The following DYNLT1 variants were observed in gnomAD, a reference collection of about 807,000 sequenced individuals.
The protein encoded by DYNLT1 is T-complex testis-specific protein 1 homolog.
A neutral mutation model predicts 19.6 loss-of-function variants in DYNLT1; 18 were observed. The observed-to-expected ratio is 0.92, with a 90% CI of 0.64 to 1.36. The LOEUF (loss-of-function observed/expected upper bound fraction) is 1.36, where lower values mean the gene tolerates loss of function less well. Among genes scored for constraint, DYNLT1 ranks in the 40% most tolerant of loss-of-function variants. DYNLT1 has a pLI of 0.00. For missense variants in DYNLT1, 137 were observed against 139.3 expected (o/e 0.98, Z 0.08); for synonymous variants, 56 against 44.0 (o/e 1.27, Z -1.07).
rs762656047 is a variant in DYNLT1, at chr6:158,644,686, T to C, written c.23A>G (p.Glu8Gly). Reference protein sequence around the residue: MEDYQAAEETAFVVDEVS... With the variant: MEDYQAAGETAFVVDEVS... ...CGTCGCCGACCCGGCGGTTACCTCCTCCGCAGCCTGGTAGTCTTCCATCTT... is the reference window on the plus strand; with the variant it reads ...CGTCGCCGACCCGGCGGTTACCTCCCCCGCAGCCTGGTAGTCTTCCATCTT... The change falls in exon 1 of 5, where the codon GAG (glutamate) becomes GGG (glycine). Residue 8 changes from glutamate (E) to glycine (G), a missense_variant. Glu to Gly is a moderately conservative substitution (Grantham distance 98, BLOSUM62 -2). Coordinates refer to ENST00000367089, the MANE Select transcript of DYNLT1 (RefSeq NM_006519.4). 3.1e-6 allele frequency: 5 copies of C among 1,612,028 alleles called. No individual in the cohort carries two copies. The African/African-American group carries it at 5.3e-5, about 17-fold the overall frequency.
At chr6:158,639,997 A>G (rs950061747) in intron 2 of DYNLT1, among the ~76,000 whole-genome samples, 1 of 152,152 alleles carries the variant, frequency 6.6e-6, no homozygotes, top group Non-Finnish European at 1.5e-5. Context: ...TGTACTTTCA[A>G]TTGCACTTGC....
intron 2 of DYNLT1, among the ~76,000 whole-genome samples, chr6:158,638,246 CTATA>C (rs1377513722): frequency 1.3e-5 from 2 of 152,030 alleles, no homozygotes; most frequent in Non-Finnish European, 2.9e-5. Flanking sequence ...TACACTAATA[CTATA>C]TATTAGATGA....
At chr6:158,638,259 G>T (rs1198481896) in intron 2 of DYNLT1, among the ~76,000 whole-genome samples, 1 of 151,954 alleles carries the variant, frequency 6.6e-6, no homozygotes, top group Admixed American at 6.6e-5. Context: ...TATATTAGAT[G>T]AATTGTATTT....
At chr6:158,642,578 T>G (rs3757078) in intron 1 of DYNLT1, 97,963 of 151,550 alleles carry the variant, frequency 0.65, 32,461 homozygotes, top group African/African-American at 0.79. Context: ...TTTTAGGGGG[T>G]TCAGGAGCTG....
intron 1 of DYNLT1, 73 bp downstream of exon 1, chr6:158,644,609 C>T: frequency 3.2e-6 from 5 of 1,585,396 alleles, no homozygotes; most frequent in Admixed American, 1.7e-5. Flanking sequence ...CAGGCCTTTC[C>T]GGGCAGGACC....
intron 2 of DYNLT1, among the ~76,000 whole-genome samples, chr6:158,638,583 G>C (rs1583073585): frequency 6.7e-6 from 1 of 150,250 alleles, no homozygotes; most frequent in Admixed American, 6.6e-5. Flanking sequence ...ACCTCAGCTT[G>C]TCCAGTAGCT....
chr6:158,637,096 C>T, intron 4 of DYNLT1, 32 bp downstream of exon 4: 1 of 1,613,750 alleles, frequency 6.2e-7, no homozygotes, highest in Non-Finnish European at 8.5e-7. Context: ...TTTCACACAA[C>T]AAAACTTCAC....
intron 3 of DYNLT1, 42 bp from the exon 4 acceptor site, chr6:158,637,247 A>T: frequency 6.4e-7 from 1 of 1,565,702 alleles, no homozygotes; most frequent in Non-Finnish European, 8.8e-7. Context: ...TCTACTGGGT[A>T]ACACAAATGT....
Position 158,637,862 on chromosome 6 carries a change from A to G in DYNLT1, c.102T>C (p.Tyr34=), listed in dbSNP as rs368405907. ...AIESAIGGNA[Y]QHSKVNQWTT... ...TCCACTGGTTCACTTTGCTGTGTTG[A>G]TAAGCGTTACCACCAATTGCGCTTT... is the stretch of plus-strand genomic sequence containing the variant. Residue 34 remains tyrosine (Y), a synonymous_variant, in exon 3 of 5, where the codon TAT becomes TAC. Transcript: ENST00000367089. 2.5e-6 allele frequency: 4 copies of G among 1,607,112 alleles called. No individual in the cohort carries two copies. Among genetic ancestry groups the G allele is most frequent in the South Asian group, 2.2e-5 (2 of 91,088 alleles).
In DYNLT1 at chr6:158,637,826, T is replaced by G; in HGVS notation, c.138A>C (p.Val46=). The G allele has an allele frequency of 1.9e-6, 3 of 1,612,564 alleles. No homozygotes were observed. The highest frequency in any genetic ancestry group is 1.7e-6 in the Non-Finnish European group (2 of 1,180,034). ...TGAGTTGGCTTAAAGTTTGTTCTAC[T>G]ACATTTGTGGTCCACTGGTTCACTT... ...HSKVNQWTTN[V]VEQTLSQLTK... is the part of the protein sequence containing the mutation. The change falls in exon 3 of 5, where the codon GTA becomes GTC. Residue 46 remains valine (V), a synonymous_variant. Coordinates refer to ENST00000367089, the MANE Select transcript of DYNLT1 (RefSeq NM_006519.4).
chr6:158,636,856 T>C lies in DYNLT1; in HGVS notation c.313A>G (p.Ile105Val). 1 of 1,613,266 alleles carries C rather than the reference T, an allele frequency of 6.2e-7. No individual in the cohort carries two copies. Among genetic ancestry groups the C allele is most frequent in the East Asian group, 2.2e-5 (1 of 44,876 alleles). Reference protein sequence around the residue: ...VRWENKTMYCIVSAFGLSI With the variant: ...VRWENKTMYCVVSAFGLSI ...ATAGACAGTCCGAAGGCACTGACGATGCAGTACATGGTCTTATTCTCCCAT... is the reference window on the plus strand; with the variant it reads ...ATAGACAGTCCGAAGGCACTGACGACGCAGTACATGGTCTTATTCTCCCAT... Residue 105 changes from isoleucine (I) to valine (V), a missense_variant, in exon 5 of 5, where the codon ATC becomes GTC. By Grantham distance (29) the Ile-to-Val change is conservative. Coordinates refer to ENST00000367089, the MANE Select transcript of DYNLT1 (RefSeq NM_006519.4).
Position 158,644,743 on chromosome 6 carries a change from T to G in DYNLT1, c.-35A>C, listed in dbSNP as rs758548955. 8 of 1,607,446 alleles carry G rather than the reference T, an allele frequency of 5.0e-6. No individual in the cohort carries two copies. In the East Asian group the frequency reaches 1.3e-4, roughly 27 times the overall value. ...GGCGCGTCCCCTCCGGCTCCCTGAG[T>G]GGCGCGGACTGCGCAGGCGCACTCA... On this transcript the variant is annotated 5_prime_UTR_variant, in exon 1 of 5. Coordinates refer to ENST00000367089, the MANE Select transcript of DYNLT1 (RefSeq NM_006519.4).
intron 2 of DYNLT1, among the ~76,000 whole-genome samples, chr6:158,638,893 T>TC (rs1265929202): frequency 3.3e-5 from 5 of 152,236 alleles, no homozygotes; most frequent in African/African-American, 1.2e-4. Context: ...TCTGAGTTTT[T>TC]CATTGTCAGC....
At chr6:158,637,638 C>T (rs1202617166) in intron 3 of DYNLT1, 133 bp downstream of exon 3, 4 of 1,402,590 alleles carry the variant, frequency 2.9e-6, no homozygotes, top group Admixed American at 3.4e-5. Context: ...ACGTATACTA[C>T]ACACACGACC....
At chr6:158,637,991 A>T in intron 2 of DYNLT1, 97 bp from the exon 3 acceptor site, 1 of 1,536,952 alleles carries the variant, frequency 6.5e-7, no homozygotes, top group East Asian at 2.3e-5. Context: ...TGATTTATGA[A>T]AAGTTTATTT....
chr6:158,637,385 C>G (rs1469013416), intron 3 of DYNLT1, 180 bp from the exon 4 acceptor site: 6 of 637,776 alleles, frequency 9.4e-6, no homozygotes, highest in Non-Finnish European at 1.7e-5. Flanking sequence ...CCTTGACTTA[C>G]AACATCCCAT....
At chr6:158,637,296 C>T (rs757561354) in intron 3 of DYNLT1, 91 bp from the exon 4 acceptor site, 2 of 1,159,738 alleles carry the variant, frequency 1.7e-6, no homozygotes, top group African/African-American at 1.5e-5. Flanking sequence ...ATGTATGTAG[C>T]TCCACGTGGT....
Position 158,636,698 on chromosome 6 carries a change from G to GT in DYNLT1, c.*128dup, listed in dbSNP as rs576726927. On this transcript the variant is annotated 3_prime_UTR_variant, in exon 5 of 5. Coordinates refer to ENST00000367089, the MANE Select transcript of DYNLT1 (RefSeq NM_006519.4). The stretch of plus-strand genomic sequence containing the variant: ...ATTCACATCACAGTGCGGTCATTTG[G>GT]TTTTTTCCTCTACATTGTGAAAGTG... 3.5e-4 allele frequency: 396 copies of GT among 1,137,588 alleles called. No individual in the cohort carries two copies. The African/African-American group carries it at 4.8e-3, about 14-fold the overall frequency. 70.5% of individuals were successfully genotyped at this position (1,137,588 alleles called of 1,614,324 possible). A position where few individuals can be genotyped will look rare whatever the true frequency, so the allele number is the denominator to read the frequency against.
intron 1 of DYNLT1, among the ~76,000 whole-genome samples, chr6:158,644,438 G>A (rs950065162): frequency 1.3e-5 from 2 of 152,158 alleles, no homozygotes; most frequent in African/African-American, 4.8e-5. Context: ...AGTCACGCCC[G>A]GTGCCTCCCC....
Sources: gnomAD v4.1 joint callset for allele counts (sites outside exome capture counted in the v4.1 genomes callset) on GRCh38, gnomAD v4.1.1 for gene constraint, MANE v1.5 for transcripts, NCBI Gene and HGNC (gene_info 2026-07-23, HGNC 2026-07-21) for gene names.